The following CHUK variants were observed in gnomAD, a reference collection of about 807,000 sequenced individuals.
CHUK encodes the protein component of inhibitor of nuclear factor kappa B kinase complex, also known as inhibitor of nuclear factor kappa-B kinase subunit alpha.
CHUK carries 35 observed loss-of-function variants against 104.8 expected under a neutral mutation model. The ratio of observed to expected loss-of-function variants is 0.33; its 90% CI spans 0.26 to 0.44. The LOEUF (loss-of-function observed/expected upper bound fraction) is 0.44. Ranked by LOEUF, CHUK falls within the 20% of genes least tolerant of loss-of-function variation. CHUK has a pLI of 1.00. For missense variants in CHUK, 663 were observed against 902.7 expected (o/e 0.73, Z 3.40); for synonymous variants, 276 against 291.9 (o/e 0.95, Z 0.56).
In CHUK at chr10:100,222,114, A is replaced by T; in HGVS notation, c.383T>A (p.Ile128Lys). The T allele has an allele frequency of 6.7e-7, 1 of 1,490,804 alleles. No individual in the cohort carries two copies. The highest frequency in any genetic ancestry group is 9.4e-7 in the Non-Finnish European group (1 of 1,068,666). 92.3% of individuals were successfully genotyped at this position (1,490,804 alleles called of 1,614,324 possible). The change falls in exon 4 of 21, where the codon ATA becomes AAA. Residue 128 changes from isoleucine to lysine, a missense_variant and splice_region_variant. Physicochemically the swap from Ile to Lys is moderately radical, Grantham distance 102 (BLOSUM62 -3). Transcript: ENST00000370397. ...ESQILSLLSD[I>K]GSGIRYLHEN... ...GGTATTTTAATACTGATACGTACCT[A>T]TATCACTTAGTAAAGAAAGTATCTG... is the stretch of plus-strand genomic sequence containing the variant.
intron 20 of CHUK, chr10:100,190,193 T>C (rs1033690151): frequency 3.9e-5 from 6 of 154,064 alleles, no homozygotes; most frequent in Admixed American, 1.3e-4. Flanking sequence ...GGCCAATTTT[T>C]ATATTTTTTA....
At chr10:100,212,500 G>C (rs1845752842) in intron 9 of CHUK, among the ~76,000 whole-genome samples, 1 of 151,998 alleles carries the variant, frequency 6.6e-6, no homozygotes, top group Admixed American at 6.6e-5. Flanking sequence ...TTACATTTTT[G>C]GTATTGAGTT....
At chr10:100,192,687 T>A in intron 19 of CHUK, 1 of 987,690 alleles carries the variant, frequency 1.0e-6, no homozygotes, top group Non-Finnish European at 1.2e-6. Flanking sequence ...ATACGGCACA[T>A]CTTAAGCTGA....
chr10:100,194,534 T>G lies in CHUK; in HGVS notation c.1730-13A>C. 6.4e-7 allele frequency: 1 copy of G among 1,555,142 alleles called. No homozygotes were observed. The highest frequency in any genetic ancestry group is 8.9e-7 in the Non-Finnish European group (1 of 1,127,040). ...CTGTAGGAGTGATCTATAAAAGACA[T>G]CAGTCAGTGGATATAACCTTTCTTC... On this transcript the variant is annotated splice_polypyrimidine_tract_variant and intron_variant, in intron 16 of 20. Coordinates refer to ENST00000370397, the MANE Select transcript of CHUK (RefSeq NM_001278.5).
In CHUK at chr10:100,222,187, A is replaced by T. The variant is rs1319876814; in HGVS notation, c.316-6T>A. ...TTTTCTGGTTTGTTGAGCAGCTAAA[A>T]AAAGAAAGAAATCTAAAAATCTGTT... On this transcript the variant is annotated splice_polypyrimidine_tract_variant and splice_region_variant and intron_variant, in intron 3 of 20. Transcript: ENST00000370397. The T allele has an allele frequency of 2.5e-6, 4 of 1,572,664 alleles. No individual in the cohort carries two copies. The South Asian group carries it at 3.3e-5, about 13-fold the overall frequency.
chr10:100,195,606 TG>T (rs1845307481), intron 16 of CHUK: 1 of 152,230 alleles, frequency 6.6e-6, no homozygotes, highest in Non-Finnish European at 1.5e-5. Flanking sequence ...CTTAAGACAG[TG>T]AAAGCCCTCA....
intron 9 of CHUK, among the ~76,000 whole-genome samples, chr10:100,210,908 A>T (rs1389405611): frequency 3.3e-5 from 5 of 152,344 alleles, no homozygotes; most frequent in South Asian, 4.1e-4. Context: ...GTTGGACTTC[A>T]GTCTTTTGAA....
intron 18 of CHUK, chr10:100,193,691 T>G: frequency 1.7e-6 from 1 of 594,922 alleles, no homozygotes; most frequent in Non-Finnish European, 2.9e-6. Context: ...CCCAGTTGAA[T>G]AGATGGTCAA....
intron 8 of CHUK, 82 bp downstream of exon 8, chr10:100,218,636 A>T: frequency 1.1e-6 from 1 of 918,540 alleles, no homozygotes; most frequent in Non-Finnish European, 1.8e-6. Flanking sequence ...GGATAATGCA[A>T]CTTGAAACAG....
intron 9 of CHUK, among the ~76,000 whole-genome samples, chr10:100,216,465 A>C (rs1845857556): frequency 6.6e-6 from 1 of 152,170 alleles, no homozygotes; most frequent in Non-Finnish European, 1.5e-5. Context: ...GCACTTTGGG[A>C]AGTCGAGGTA....
Position 100,218,010 on chromosome 10 carries a change from G to C in CHUK, c.918C>G (p.His306Gln), listed in dbSNP as rs1486376318. 1 of 1,614,082 alleles carries C rather than the reference G, an allele frequency of 6.2e-7. No homozygotes were observed. Among genetic ancestry groups the C allele is most frequent in the Non-Finnish European group, 8.5e-7 (1 of 1,179,960 alleles). Residue 306 changes from histidine to glutamine, a missense_variant, in exon 9 of 21, where the codon CAC becomes CAG. This residue lies in a region of CHUK where 93 missense variants were observed against 95.9 expected (regional missense o/e 0.97). Transcript: ENST00000370397. ...TAAGACTAACCTTCAAATTCAAAAT[G>C]TGATCCATTAATACAAAACATCTTG... ...KQPRCFVLMD[H>Q]ILNLKIVHIL...
chr10:100,209,904 G>T (rs1419288367), intron 9 of CHUK, 115 bp from the exon 10 acceptor site: 2 of 596,924 alleles, frequency 3.4e-6, no homozygotes, highest in East Asian at 5.6e-5. Flanking sequence ...ATTAAACAAG[G>T]CTCACTCATT....
At chr10:100,222,022 T>C (rs768910042) in intron 4 of CHUK, 90 bp downstream of exon 4, 8 of 714,734 alleles carry the variant, frequency 1.1e-5, no homozygotes, top group Non-Finnish European at 2.0e-5. Context: ...CTTTGTATAG[T>C]GTATCAACAA....
rs748292223 is a variant in CHUK at position 100,200,040 on chromosome 10, C to T, written c.1680-20G>A. ...TGTTCCCTATAAAAGAGAAAACACG[C>T]TCTGATAAGTGAAGGTAATTTAATG... is the stretch of plus-strand genomic sequence containing the variant. On this transcript the variant is annotated intron_variant, in intron 15 of 20. Transcript: ENST00000370397. 1.3e-6 allele frequency: 2 copies of T among 1,586,372 alleles called. No homozygotes were observed. Among genetic ancestry groups the T allele is most frequent in the South Asian group, 1.1e-5 (1 of 90,472 alleles).
Position 100,189,462 on chromosome 10 carries a change from T to C in CHUK, c.*136A>G, listed in dbSNP as rs902053866. On this transcript the variant is annotated 3_prime_UTR_variant, in exon 21 of 21. Coordinates refer to ENST00000370397, the MANE Select transcript of CHUK (RefSeq NM_001278.5). ...TAAAATCATGTTCTTCTGATCATAG[T>C]AGAAATGTAGTTTCTGTTCATAGCC... The C allele has an allele frequency of 1.3e-6, 1 of 747,494 alleles. No homozygotes were observed. Among genetic ancestry groups the C allele is most frequent in the African/African-American group, 1.7e-5 (1 of 57,706 alleles). 46.3% of individuals were successfully genotyped at this position (747,494 alleles called of 1,614,324 possible).
At chr10:100,195,424 TTATC>T (rs1845302615) in intron 16 of CHUK, 1 of 152,302 alleles carries the variant, frequency 6.6e-6, no homozygotes, top group African/African-American at 2.4e-5. Flanking sequence ...GTGTCCTTTG[TTATC>T]TATCACTCCA....
At position 100,226,078 on chromosome 10, in the gene CHUK, A is replaced by G. The variant is rs1045060955; in HGVS notation, c.106-61T>C. 3.0e-6 allele frequency: 3 copies of G among 988,844 alleles called. No individual in the cohort carries two copies. The African/African-American group carries it at 4.8e-5, about 16-fold the overall frequency. The allele number at this position is 988,844 out of a possible 1,614,324, so 61.3% of individuals were successfully genotyped here. ...AGGTTCTTGTGAAGATTTATTTGCT[A>G]CCAAAGAAATAACTTAAGACAACAA... On this transcript the variant is annotated intron_variant, in intron 1 of 20. Coordinates refer to ENST00000370397, the MANE Select transcript of CHUK (RefSeq NM_001278.5).
chr10:100,218,150 G>C lies in CHUK; in HGVS notation c.798-20C>G. The C allele has an allele frequency of 6.3e-7, 1 of 1,598,856 alleles. No individual in the cohort carries two copies. Among genetic ancestry groups the C allele is most frequent in the Non-Finnish European group, 8.6e-7 (1 of 1,166,218 alleles). ...ACTAAACTAGAAAACATACAAAATAGGGTGAAAATCAAATCATTATGTTCC... is the reference window on the plus strand; with the variant it reads ...ACTAAACTAGAAAACATACAAAATACGGTGAAAATCAAATCATTATGTTCC... On this transcript the variant is annotated intron_variant, in intron 8 of 20. Transcript: ENST00000370397.
Position 100,218,737 on chromosome 10 carries a change from G to A in CHUK, c.778C>T (p.Gln260Ter). Residue 260 changes from glutamine to a stop codon, truncating the protein, a stop_gained, in exon 8 of 21, where the codon CAA (glutamine) becomes TAA (stop). Transcript: ENST00000370397. LOFTEE classifies it high-confidence loss of function. ...GEVRFSSHLP[Q>*]PNSLCSLVVE... ...ACTTACCTACAAAGGCTATTTGGTT[G>A]AGGTAAATGGCTACTAAACCGAACT... The A allele has an allele frequency of 6.2e-7, 1 of 1,610,514 alleles. No homozygotes were observed. Among genetic ancestry groups the A allele is most frequent in the Non-Finnish European group, 8.5e-7 (1 of 1,176,768 alleles).
Sources: gnomAD v4.1 joint callset for allele counts (sites outside exome capture counted in the v4.1 genomes callset) on GRCh38, gnomAD v4.1.1 for gene constraint, gnomAD v4.1.1 regional missense constraint, MANE v1.5 for transcripts, NCBI Gene and HGNC (gene_info 2026-07-23, HGNC 2026-07-21) for gene names.